KPTN: variants seen among roughly 807,000 people sequenced by gnomAD.
The protein encoded by KPTN is kaptin, actin binding protein.
Under a neutral mutation model 52.6 loss-of-function variants are expected in KPTN, and 36 were observed. The ratio of observed to expected loss-of-function variants is 0.68; its 90% confidence interval spans 0.52 to 0.90. The LOEUF (loss-of-function observed/expected upper bound fraction) is 0.90. Among genes scored for constraint, KPTN ranks in the 40% least tolerant of loss-of-function variants. The pLI is 0.00. For missense variants in KPTN, 529 were observed against 576.2 expected, an observed-to-expected ratio of 0.92 and a Z score of 0.84; for synonymous variants, 271 against 248.4, an observed-to-expected ratio of 1.09 and a Z score of -0.85.
In KPTN at chr19:47,483,365, C is replaced by T. The variant is rs1396064498; in HGVS notation, c.324G>A (p.Lys108=). The part of the protein sequence containing the change: ...GITFIKDSGD[K]GSPFLNIYCD... ...AGTAAATGTTCAGGAAGGGGCTGCCCTTGTCCCCTGAATCCTGGCGGAGGA... is the reference window on the plus strand; with the variant it reads ...AGTAAATGTTCAGGAAGGGGCTGCCTTTGTCCCCTGAATCCTGGCGGAGGA... The change falls in exon 3 of 12, where the codon AAG becomes AAA. Residue 108 remains lysine (K), a synonymous_variant. Coordinates refer to ENST00000338134, the MANE Select transcript of KPTN (RefSeq NM_007059.4). 2 of 1,614,022 alleles carry T rather than the reference C, an allele frequency of 1.2e-6. No individual in the cohort carries two copies. The highest frequency in any genetic ancestry group is 1.7e-6 in the Non-Finnish European group (2 of 1,180,012).
chr19:47,479,028 G>A lies in KPTN; in HGVS notation c.787+835C>T, dbSNP rs1320962973. Among the ~76,000 whole-genome samples, 4 of 152,264 alleles carry A rather than the reference G, an allele frequency of 2.6e-5. No homozygotes were observed. In the East Asian group the frequency reaches 7.7e-4, roughly 29 times the overall value. On this transcript the variant is annotated intron_variant, in intron 8 of 11. Transcript: ENST00000338134. ...TGCAACCAAAACCACTTGTGTCCCCGAAGTGATTGAAATAATTTTTTTTTT... is the reference window on the plus strand; with the variant it reads ...TGCAACCAAAACCACTTGTGTCCCCAAAGTGATTGAAATAATTTTTTTTTT...
At chr19:47,483,855 C>T (rs1967977310) in intron 1 of KPTN, 80 bp downstream of exon 1, 1 of 1,568,428 alleles carries the variant, frequency 6.4e-7, no homozygotes. Context: ...AGCACGGTGA[C>T]CCGGCTCAGA....
chr19:47,484,706 ATTTTTT>A (rs35425298), upstream of KPTN, among the ~76,000 whole-genome samples: 3 of 129,144 alleles, frequency 2.3e-5, no homozygotes, highest in African/African-American at 8.9e-5. Context: ...ACAGTTCACT[ATTTTTT>A]TTTTTTTTTT....
chr19:47,483,295 G>A lies in KPTN; in HGVS notation c.394C>T (p.Gln132Ter), dbSNP rs1311818239. The change falls in exon 3 of 12, where the codon CAG becomes TAG. Residue 132 changes from glutamine (Q) to a stop codon, truncating the protein, a stop_gained and splice_region_variant. Coordinates refer to ENST00000338134, the MANE Select transcript of KPTN (RefSeq NM_007059.4). LOFTEE classifies it high-confidence loss of function. The part of the protein sequence containing the change: ...GSEYNLDSIA[Q>*]SCLNLELQFT... ...CTCCTCCCGTCCACGCCTCACTCAC[G>A]GGCAATAGAGTCAAGGTTGTACTCA... is the stretch of plus-strand genomic sequence containing the variant. 3 of 1,613,904 alleles carry A rather than the reference G, an allele frequency of 1.9e-6. No individual in the cohort carries two copies. Among genetic ancestry groups the A allele is most frequent in the Non-Finnish European group, 2.5e-6 (3 of 1,179,896 alleles).
chr19:47,484,287 C>T, upstream of KPTN: 1 of 1,227,606 alleles, frequency 8.1e-7, no homozygotes, highest in South Asian at 1.6e-5. Context: ...ACGGAAGCTG[C>T]CGGCGTTGCC....
chr19:47,484,147 G>A lies in KPTN; in HGVS notation c.14C>T (p.Ala5Val). 5 of 1,596,726 alleles carry A rather than the reference G, an allele frequency of 3.1e-6. No homozygotes were observed. Among genetic ancestry groups the A allele is most frequent in the Non-Finnish European group, 4.2e-6 (5 of 1,178,218 alleles). The change falls in exon 1 of 12, where the codon GCG becomes GTG. Residue 5 changes from alanine to valine, a missense_variant. Transcript: ENST00000338134. MMGE[A>V]AVAAGPCPLR... Reference sequence around the variant, plus strand: ...CGGACAAGGCCCCGCGGCCACGGCCGCCTCCCCCATCATGCCCCTCAGTTA... The same window carrying A: ...CGGACAAGGCCCCGCGGCCACGGCCACCTCCCCCATCATGCCCCTCAGTTA...
At chr19:47,481,887 T>C (rs1163891490) in intron 4 of KPTN, among the ~76,000 whole-genome samples, 1 of 152,236 alleles carries the variant, frequency 6.6e-6, no homozygotes, top group Non-Finnish European at 1.5e-5. Context: ...CTTGGTATTC[T>C]AGATGCTCTA....
At position 47,483,596 on chromosome 19, in the gene KPTN, G is replaced by A. The variant is rs1967967269; in HGVS notation, c.227-12C>T. 6.5e-7 allele frequency: 1 copy of A among 1,540,658 alleles called. No homozygotes were observed. Among genetic ancestry groups the A allele is most frequent in the East Asian group, 2.4e-5 (1 of 41,046 alleles). On this transcript the variant is annotated splice_polypyrimidine_tract_variant and intron_variant, in intron 1 of 11. Coordinates refer to ENST00000338134, the MANE Select transcript of KPTN (RefSeq NM_007059.4). ...AATCTCCGCATCCACTGGGAGGGGAGAGTTCTAAGTTCAGTGTCAGGCAGA... is the reference window on the plus strand; with the variant it reads ...AATCTCCGCATCCACTGGGAGGGGAAAGTTCTAAGTTCAGTGTCAGGCAGA...
Position 47,483,531 on chromosome 19 carries a change from C to A in KPTN, c.280G>T (p.Gly94Cys), listed in dbSNP as rs759259892. 6.3e-7 allele frequency: 1 copy of A among 1,583,258 alleles called. No homozygotes were observed. Among genetic ancestry groups the A allele is most frequent in the Non-Finnish European group, 8.6e-7 (1 of 1,164,176 alleles). Reference sequence around the variant, plus strand: ...ATGAACGTGATCCCCACAACCAGACCCCGCTTGGGGGGTGACTTGTTGAAA... The same window carrying A: ...ATGAACGTGATCCCCACAACCAGACACCGCTTGGGGGGTGACTTGTTGAAA... ...DTFNKSPPKR[G>C]LVVGITFIKD... The change falls in exon 2 of 12, where the codon GGT becomes TGT. Residue 94 changes from glycine to cysteine, a missense_variant. Coordinates refer to ENST00000338134, the MANE Select transcript of KPTN (RefSeq NM_007059.4).
At chr19:47,475,593 G>C in intron 11 of KPTN, 49 bp from the exon 12 acceptor site, 1 of 1,599,920 alleles carries the variant, frequency 6.3e-7, no homozygotes, top group Non-Finnish European at 8.5e-7. Context: ...AAGAGCTGTG[G>C]GACCACAGCG....
Position 47,483,947 on chromosome 19 carries a change from T to G in KPTN, c.214A>C (p.Asn72His). 1.2e-6 allele frequency: 2 copies of G among 1,612,882 alleles called. No homozygotes were observed. Among genetic ancestry groups the G allele is most frequent in the Non-Finnish European group, 1.7e-6 (2 of 1,179,802 alleles). ...TAGCGCCACCCACCGGGAATGTAGTTGAACTGCAGCTCCTTGGCCACTGGC... is the reference window on the plus strand; with the variant it reads ...TAGCGCCACCCACCGGGAATGTAGTGGAACTGCAGCTCCTTGGCCACTGGC... ...IRPVAKELQF[N>H]YIPVDAEIVS... The change falls in exon 1 of 12, where the codon AAC becomes CAC. Residue 72 changes from asparagine to histidine, a missense_variant. Coordinates refer to ENST00000338134, the MANE Select transcript of KPTN (RefSeq NM_007059.4).
upstream of KPTN, chr19:47,484,232 G>A (rs1968001518): frequency 6.8e-6 from 10 of 1,480,180 alleles, no homozygotes; most frequent in South Asian, 3.8e-5. Flanking sequence ...CTCTCTAAGC[G>A]ACCTGAACCG....
rs1465513848 is a variant in KPTN at position 47,480,384 on chromosome 19, T to C, written c.623A>G (p.Asn208Ser). Residue 208 changes from asparagine (N) to serine (S), a missense_variant, in exon 7 of 12, where the codon AAC (asparagine) becomes AGC (serine). Physicochemically the swap from Asn to Ser is conservative, Grantham distance 46. Transcript: ENST00000338134. ...TSSVLWLDVH[N>S]FPGTSRRLSA... Reference sequence around the variant, plus strand: ...GAGGCGCCGGGACGTGCCGGGGAAGTTGTGGACGTCCAGCCAGAGGACGCT... The same window carrying C: ...GAGGCGCCGGGACGTGCCGGGGAAGCTGTGGACGTCCAGCCAGAGGACGCT... 6.5e-7 allele frequency: 1 copy of C among 1,548,668 alleles called. No individual in the cohort carries two copies. Among genetic ancestry groups the C allele is most frequent in the Admixed American group, 2.0e-5 (1 of 50,746 alleles).
intron 11 of KPTN, among the ~76,000 whole-genome samples, 160 bp from the exon 12 acceptor site, chr19:47,475,704 A>T (rs1446525551): frequency 3.3e-5 from 5 of 152,186 alleles, no homozygotes; most frequent in Non-Finnish European, 1.5e-5. Flanking sequence ...GGCCTCTGTG[A>T]CAGGGGTGAA....
intron 4 of KPTN, 98 bp from the exon 5 acceptor site, chr19:47,481,131 T>C: frequency 1.0e-6 from 1 of 954,112 alleles, no homozygotes; most frequent in Non-Finnish European, 1.6e-6. Context: ...TTGAGAACCT[T>C]AACATTCTGG....
chr19:47,483,410 C>T, intron 2 of KPTN, 31 bp from the exon 3 acceptor site: 1 of 1,606,896 alleles, frequency 6.2e-7, no homozygotes, highest in Non-Finnish European at 8.5e-7. Flanking sequence ...CAGGGGAGGG[C>T]AGGGGTGGCA....
Position 47,484,217 on chromosome 19 carries a change from T to C in KPTN, c.-57A>G, listed in dbSNP as rs1039689036. 1 of 1,528,114 alleles carries C rather than the reference T, an allele frequency of 6.5e-7. No individual in the cohort carries two copies. 94.7% of individuals were successfully genotyped at this position (1,528,114 alleles called of 1,614,324 possible). ...CCGCCCCAACCCGCACTACCCAACC[T>C]ACGACTCTCTAAGCGACCTGAACCG... On this transcript the variant is annotated 5_prime_UTR_variant, in exon 1 of 12. Coordinates refer to ENST00000338134, the MANE Select transcript of KPTN (RefSeq NM_007059.4).
chr19:47,478,127 G>C (rs1473124510), intron 8 of KPTN, among the ~76,000 whole-genome samples: 1 of 151,944 alleles, frequency 6.6e-6, no homozygotes, highest in African/African-American at 2.4e-5. Flanking sequence ...CAGGTTCCAG[G>C]CTCCTCGTCA....
upstream of KPTN, among the ~76,000 whole-genome samples, chr19:47,485,306 A>G (rs1238521121): frequency 1.3e-5 from 2 of 152,224 alleles, no homozygotes; most frequent in Non-Finnish European, 2.9e-5. Flanking sequence ...ATCCCAGTTT[A>G]GAGAGAATCA....
Sources: gnomAD v4.1 joint callset for allele counts (sites outside exome capture counted in the v4.1 genomes callset) on GRCh38, gnomAD v4.1.1 for gene constraint, MANE v1.5 for transcripts, NCBI Gene and HGNC (gene_info 2026-07-23, HGNC 2026-07-21) for gene names.